The following DSCAM variants were observed in gnomAD, a reference collection of about 807,000 sequenced individuals.
The protein encoded by DSCAM is DS cell adhesion molecule.
Under a neutral mutation model 217.7 loss-of-function variants are expected in DSCAM, and 47 were observed. The ratio of observed to expected loss-of-function variants is 0.22; its 90% CI spans 0.17 to 0.28. The LOEUF (loss-of-function observed/expected upper bound fraction) is 0.28. DSCAM is among the 10% of genes least tolerant of loss of function. The pLI is 1.00. For synonymous variants in DSCAM, 1,056 were observed against 1,015.3 expected, an observed-to-expected ratio of 1.04 and a Z score of -0.76; for missense variants, 2,080 against 2,618.3, an observed-to-expected ratio of 0.79 and a Z score of 4.49.
intron 9 of DSCAM, among the ~76,000 whole-genome samples, chr21:40,298,183 GC>G (rs1226952456): frequency 2.6e-5 from 4 of 150,996 alleles, no homozygotes; most frequent in Non-Finnish European, 5.9e-5. Flanking sequence ...CCAGGTTCAA[GC>G]AATTCTCTGC....
chr21:40,018,685 CAT>C lies in DSCAM; in HGVS notation c.5687-5301_5687-5300del, dbSNP rs970666565. Among the ~76,000 whole-genome samples, 15 of 152,310 alleles carry C rather than the reference CAT, an allele frequency of 9.8e-5. No homozygotes were observed. The South Asian group carries it at 1.5e-3, about 15-fold the overall frequency. On this transcript the variant is annotated intron_variant, in intron 32 of 32. Transcript: ENST00000400454. The stretch of plus-strand genomic sequence containing the variant: ...GTGTTTGAAATCAAAAGATAGGACT[CAT>C]AATATCTGCATCCTGCCTGCAGGGG...
At chr21:40,564,696 G>A (rs375848764) in intron 3 of DSCAM, among the ~76,000 whole-genome samples, 2 of 152,166 alleles carry the variant, frequency 1.3e-5, no homozygotes, top group Non-Finnish European at 2.9e-5. Context: ...CACGTGAAAC[G>A]GGAACCTGCC....
In DSCAM at chr21:40,521,866, A is replaced by G. The variant is rs527346919; in HGVS notation, c.509-152621T>C. On this transcript the variant is annotated intron_variant, in intron 3 of 32. Coordinates refer to ENST00000400454, the MANE Select transcript of DSCAM (RefSeq NM_001389.5). ...TCATAGAGGATTTTGTATGTTCCCC[A>G]GAAAGAAATGATAAATGTCTGAGGT... Among the ~76,000 whole-genome samples, 2 of 152,346 alleles carry G rather than the reference A, an allele frequency of 1.3e-5. 1 individual carries two copies. Among genetic ancestry groups the G allele is most frequent in the South Asian group, 4.1e-4 (2 of 4,834 alleles).
chr21:40,385,542 C>T (rs1244956141), intron 3 of DSCAM, among the ~76,000 whole-genome samples: 1 of 152,208 alleles, frequency 6.6e-6, no homozygotes, highest in Non-Finnish European at 1.5e-5. Context: ...AAGAGACGTA[C>T]TAATACGTCT....
intron 3 of DSCAM, among the ~76,000 whole-genome samples, chr21:40,376,594 CGATATCTATATATCTTATATA>C (rs1569093049): frequency 1.8e-5 from 2 of 108,738 alleles, no homozygotes; most frequent in African/African-American, 9.2e-5. Context: ...TATCTTATAT[CGATATCTATATATCTTATATA>C]GATATCGATA....
intron 1 of DSCAM, among the ~76,000 whole-genome samples, chr21:40,715,077 C>A (rs2090827046): frequency 6.6e-6 from 1 of 152,210 alleles, no homozygotes; most frequent in Non-Finnish European, 1.5e-5. Flanking sequence ...GACTTCTCAG[C>A]CTCCAGAGCC....
intron 20 of DSCAM, among the ~76,000 whole-genome samples, chr21:40,109,702 T>A (rs1300374728): frequency 6.6e-6 from 1 of 152,126 alleles, no homozygotes; most frequent in Non-Finnish European, 1.5e-5. Context: ...ACCTGGAAAA[T>A]CGGGTCACTC....
intron 3 of DSCAM, among the ~76,000 whole-genome samples, chr21:40,530,879 GTCCATCCA>G (rs759529131): frequency 1.4e-5 from 2 of 147,858 alleles, no homozygotes; most frequent in South Asian, 2.2e-4. Flanking sequence ...AGCCCTGCCT[GTCCATCCA>G]TCCATCCATC....
At chr21:40,263,320 G>A (rs987471419) in intron 11 of DSCAM, among the ~76,000 whole-genome samples, 12 of 152,078 alleles carry the variant, frequency 7.9e-5, no homozygotes, top group African/African-American at 1.9e-4. Flanking sequence ...ATGAATAAAC[G>A]TGTGAGCAGA....
chr21:40,072,617 G>A (rs1422190817), intron 27 of DSCAM, among the ~76,000 whole-genome samples: 2 of 152,054 alleles, frequency 1.3e-5, no homozygotes, highest in South Asian at 2.1e-4. Context: ...CAAAGTGCTA[G>A]GATTACAGGT....
intron 3 of DSCAM, among the ~76,000 whole-genome samples, chr21:40,591,558 T>C (rs2076984546): frequency 1.3e-5 from 2 of 152,130 alleles, no homozygotes; most frequent in African/African-American, 2.4e-5. Flanking sequence ...CTTGTGAGGG[T>C]ATGTTATATT....
In DSCAM at chr21:40,062,966, A is replaced by G; in HGVS notation, c.4889-67T>C. 1.3e-5 allele frequency: 18 copies of G among 1,413,716 alleles called. No homozygotes were observed. In the South Asian group the frequency reaches 2.4e-4, roughly 19 times the overall value. The allele number at this position is 1,413,716 out of a possible 1,614,324, so 87.6% of individuals were successfully genotyped here. On this transcript the variant is annotated intron_variant, in intron 27 of 32. Transcript: ENST00000400454. ...ATTAACATTCACTTAGGCATTTATG[A>G]CAAATACTCTACAGTCAGATCAGAA...
intron 3 of DSCAM, among the ~76,000 whole-genome samples, chr21:40,577,854 A>C (rs1485504028): frequency 3.9e-5 from 6 of 152,144 alleles, no homozygotes; most frequent in African/African-American, 1.4e-4. Context: ...AATCAGACGA[A>C]ATCCTGGGAA....
intron 28 of DSCAM, 23 bp downstream of exon 28, chr21:40,062,846 G>A (rs1274487050): frequency 1.3e-6 from 2 of 1,570,360 alleles, no homozygotes; most frequent in African/African-American, 1.4e-5. Context: ...CATGATATCT[G>A]GGGTGCTAGG....
At chr21:40,425,979 C>T (rs2075471342) in intron 3 of DSCAM, among the ~76,000 whole-genome samples, 1 of 152,192 alleles carries the variant, frequency 6.6e-6, no homozygotes, top group Non-Finnish European at 1.5e-5. Flanking sequence ...CTAAACTTTT[C>T]AGTAAATTTC....
intron 1 of DSCAM, among the ~76,000 whole-genome samples, chr21:40,715,187 C>T (rs1358516931): frequency 6.6e-6 from 1 of 152,238 alleles, no homozygotes; most frequent in Non-Finnish European, 1.5e-5. Context: ...GAAAGTTTCA[C>T]TCTTCACACT....
intron 3 of DSCAM, among the ~76,000 whole-genome samples, chr21:40,493,811 C>G (rs966571023): frequency 1.4e-5 from 2 of 144,640 alleles, no homozygotes; most frequent in Admixed American, 7.2e-5. Context: ...TGCAGTGAGT[C>G]AAGATCGTGC....
chr21:40,066,057 CA>C (rs1299290084), intron 27 of DSCAM, among the ~76,000 whole-genome samples: 2 of 152,258 alleles, frequency 1.3e-5, no homozygotes, highest in Non-Finnish European at 2.9e-5. Flanking sequence ...CATGCAGACG[CA>C]ACTTGCTCCG....
At chr21:40,179,968 T>C (rs1180610061) in intron 14 of DSCAM, among the ~76,000 whole-genome samples, 2 of 152,202 alleles carry the variant, frequency 1.3e-5, no homozygotes, top group Non-Finnish European at 2.9e-5. Context: ...GCCTACATAT[T>C]CCCACCCTCC....
Sources: allele counts gnomAD v4.1 joint callset (sites outside exome capture counted in the v4.1 genomes callset), GRCh38; gene constraint gnomAD v4.1.1; transcripts MANE v1.5; gene names NCBI Gene and HGNC (gene_info 2026-07-23, HGNC 2026-07-21).